TUBAL3: variants seen among roughly 807,000 people sequenced by gnomAD.
TUBAL3 encodes the protein tubulin alpha chain-like 3.
Under a neutral mutation model 15.5 loss-of-function variants are expected in TUBAL3, and 16 were observed. That is an observed-to-expected ratio of 1.04 (90% CI 0.70 to 1.57). TUBAL3 has a LOEUF of 1.57. TUBAL3 is among the 40% of genes most tolerant of loss of function. The pLI is 0.00. For synonymous variants in TUBAL3, 238 were observed against 224.3 expected (o/e 1.06, Z -0.55); for missense variants, 609 against 576.2 (o/e 1.06, Z -0.58).
chr10:5,398,545 T>G (rs1410733776), intron 2 of TUBAL3, among the ~76,000 whole-genome samples: 3 of 151,806 alleles, frequency 2.0e-5, no homozygotes, highest in Admixed American at 2.0e-4. Flanking sequence ...GAGCTATGAT[T>G]ACGCCACTGC....
Position 5,404,810 on chromosome 10 carries a change from C to A in TUBAL3, c.-18G>T. 6.2e-7 allele frequency: 1 copy of A among 1,613,282 alleles called. No individual in the cohort carries two copies. The highest frequency in any genetic ancestry group is 8.5e-7 in the Non-Finnish European group (1 of 1,179,494). On this transcript the variant is annotated 5_prime_UTR_variant, in exon 1 of 4. In the 5' UTR this introduces an upstream ATG that the reference lacks. Transcript: ENST00000380419. ...CTTACCATGCTGATGAGAACGTGCCCTTCCTGCCCTGTAGTAATGACTGAG... is the reference window on the plus strand; with the variant it reads ...CTTACCATGCTGATGAGAACGTGCCATTCCTGCCCTGTAGTAATGACTGAG...
chr10:5,395,354 G>T lies in TUBAL3; in HGVS notation c.369C>A (p.Asp123Glu). The change falls in exon 3 of 4, where the codon GAC becomes GAA. Residue 123 changes from aspartate to glutamate, a missense_variant. Physicochemically the swap from Asp to Glu is conservative, Grantham distance 45. Transcript: ENST00000380419. This position sits in a 1 kb window ranked among gnomAD's most constrained non-coding sequence, Gnocchi z 4.6. ...GCTTCCGGGTCCTCTCCAGCACAAG[G>T]TCGATGACCTCCGACCCCACAGAGT... ...GRYSVGSEVI[D>E]LVLERTRKLA... 6.3e-7 allele frequency: 1 copy of T among 1,587,296 alleles called. No homozygotes were observed. The highest frequency in any genetic ancestry group is 8.6e-7 in the Non-Finnish European group (1 of 1,163,062).
chr10:5,395,283 T>G lies in TUBAL3; in HGVS notation c.396+44A>C, dbSNP rs200949513. The G allele has an allele frequency of 5.1e-5, 72 of 1,421,132 alleles. No individual in the cohort carries two copies. Among genetic ancestry groups the G allele is most frequent in the Non-Finnish European group, 6.5e-5 (70 of 1,075,336 alleles). The allele number at this position is 1,421,132 out of a possible 1,614,324, so 88.0% of individuals were successfully genotyped here. ...GTGAGTTCTGCCGCAGGACCCCACA[T>G]GCCCCAGGCACAGCCCACTCGGAGG... On this transcript the variant is annotated intron_variant, in intron 3 of 3. Coordinates refer to ENST00000380419, the MANE Select transcript of TUBAL3 (RefSeq NM_024803.3). This position sits in a 1 kb window ranked among gnomAD's most constrained non-coding sequence, Gnocchi z 4.6.
At chr10:5,402,051 C>T (rs1554814686) in intron 1 of TUBAL3, among the ~76,000 whole-genome samples, 6 of 151,884 alleles carry the variant, frequency 4.0e-5, no homozygotes, top group Admixed American at 3.3e-4. Context: ...ACATAAGATG[C>T]ATGATTGCAT....
rs376898117 is a variant in TUBAL3, at chr10:5,404,809, C to T, written c.-17G>A. On this transcript the variant is annotated 5_prime_UTR_variant, in exon 1 of 4. Coordinates refer to ENST00000380419, the MANE Select transcript of TUBAL3 (RefSeq NM_024803.3). ...ACTTACCATGCTGATGAGAACGTGC[C>T]CTTCCTGCCCTGTAGTAATGACTGA... 1.9e-6 allele frequency: 3 copies of T among 1,613,266 alleles called. No homozygotes were observed. Among genetic ancestry groups the T allele is most frequent in the Non-Finnish European group, 2.5e-6 (3 of 1,179,582 alleles).
Position 5,397,764 on chromosome 10 carries a change from T to C in TUBAL3, c.248-2289A>G, listed in dbSNP as rs1180335900. On this transcript the variant is annotated intron_variant, in intron 2 of 3. Transcript: ENST00000380419. This position sits in a 1 kb window ranked among gnomAD's most constrained non-coding sequence, Gnocchi z 4.9. ...TGCATTCCACTTCAATCATCATCACTCAGAACTCTCCCACTTCCAAAATCT... is the reference window on the plus strand; with the variant it reads ...TGCATTCCACTTCAATCATCATCACCCAGAACTCTCCCACTTCCAAAATCT... Among the ~76,000 whole-genome samples the C allele has an allele frequency of 6.6e-6, 1 of 152,124 alleles. No individual in the cohort carries two copies. Among genetic ancestry groups the C allele is most frequent in the African/African-American group, 2.4e-5 (1 of 41,428 alleles).
Position 5,394,154 on chromosome 10 carries a change from T to C in TUBAL3, c.704A>G (p.Asn235Ser), listed in dbSNP as rs1831723383. 5 of 1,614,200 alleles carry C rather than the reference T, an allele frequency of 3.1e-6. No homozygotes were observed. The highest frequency in any genetic ancestry group is 1.7e-5 in the Admixed American group (1 of 60,034). The part of the protein sequence containing the change: ...GVECPSHASI[N>S]RLVVQVVSSI... The stretch of plus-strand genomic sequence containing the variant: ...AGATACCACCTGAACCACCAATCTA[T>C]TGATGCTGGCATGAGAGGGGCATTC... The change falls in exon 4 of 4, where the codon AAT becomes AGT. Residue 235 changes from asparagine (N) to serine (S), a missense_variant. Asn to Ser is a conservative substitution (Grantham distance 46, BLOSUM62 1). Coordinates refer to ENST00000380419, the MANE Select transcript of TUBAL3 (RefSeq NM_024803.3). This position sits in a 1 kb window ranked among gnomAD's most constrained non-coding sequence, Gnocchi z 4.3.
At position 5,394,925 on chromosome 10, in the gene TUBAL3, A is replaced by G. The variant is rs1457092555; in HGVS notation, c.396+402T>C. Among the ~76,000 whole-genome samples the G allele has an allele frequency of 6.6e-6, 1 of 152,224 alleles. No individual in the cohort carries two copies. The highest frequency in any genetic ancestry group is 1.5e-5 in the Non-Finnish European group (1 of 68,036). On this transcript the variant is annotated intron_variant, in intron 3 of 3. Transcript: ENST00000380419. The surrounding 1 kb of genome is among the most constrained non-coding windows in gnomAD (Gnocchi z 4.3). ...TCAGGCCCCTAAAGAGGAATTAATTATCAGTAAATAGAGTCACGCATCTCC... is the reference window on the plus strand; with the variant it reads ...TCAGGCCCCTAAAGAGGAATTAATTGTCAGTAAATAGAGTCACGCATCTCC...
chr10:5,398,639 C>T (rs1413282309), intron 2 of TUBAL3, among the ~76,000 whole-genome samples: 3 of 152,112 alleles, frequency 2.0e-5, no homozygotes, highest in African/African-American at 4.8e-5. Flanking sequence ...GATGACTCCC[C>T]GGTTATTCAT....
intron 2 of TUBAL3, among the ~76,000 whole-genome samples, chr10:5,399,674 G>A (rs1382072256): frequency 6.6e-6 from 1 of 152,208 alleles, no homozygotes; most frequent in Non-Finnish European, 1.5e-5. Flanking sequence ...TTATGGGGTT[G>A]TATTCAATTC....
chr10:5,398,763 T>A (rs1304014839), intron 2 of TUBAL3, among the ~76,000 whole-genome samples: 2 of 151,200 alleles, frequency 1.3e-5, no homozygotes, highest in African/African-American at 2.4e-5. Flanking sequence ...TTTTGCAATA[T>A]TTTTTTTTGG....
rs1340303487 is a variant in TUBAL3, at chr10:5,394,130, G to T, written c.728C>A (p.Ser243Tyr). The T allele has an allele frequency of 6.2e-7, 1 of 1,614,228 alleles. No individual in the cohort carries two copies. Among genetic ancestry groups the T allele is most frequent in the South Asian group, 1.1e-5 (1 of 91,084 alleles). Residue 243 changes from serine (S) to tyrosine (Y), a missense_variant, in exon 4 of 4, where the codon TCT becomes TAT. Ser to Tyr is a moderately radical substitution (Grantham distance 144). Transcript: ENST00000380419. The surrounding 1 kb of genome is among the most constrained non-coding windows in gnomAD (Gnocchi z 4.3). ...AAACCGGAGGGAGGCAGTGATGGAA[G>T]ATACCACCTGAACCACCAATCTATT... ...SINRLVVQVV[S>Y]SITASLRFEG... is the part of the protein sequence containing the mutation.
In TUBAL3 at chr10:5,396,344, C is replaced by T. The variant is rs1325302566; in HGVS notation, c.248-869G>A. On this transcript the variant is annotated intron_variant, in intron 2 of 3. Transcript: ENST00000380419. This position sits in a 1 kb window ranked among gnomAD's most constrained non-coding sequence, Gnocchi z 5.1. ...CCAACATGGTGAAACCCTGTCTCTA[C>T]TAAAAGTACAGAAAATTAGCCAGGC... Among the ~76,000 whole-genome samples the T allele has an allele frequency of 1.3e-5, 2 of 151,856 alleles. No homozygotes were observed. The highest frequency in any genetic ancestry group is 2.9e-5 in the Non-Finnish European group (2 of 67,968).
rs1321567434 is a variant in TUBAL3, at chr10:5,393,338, A to C, written c.*179T>G. On this transcript the variant is annotated 3_prime_UTR_variant, in exon 4 of 4. Transcript: ENST00000380419. ...CAGAGCTGACTTGTACCAGTAGACC[A>C]GGAAATAATGTGTTCATTGTTGGTA... 2 of 572,544 alleles carry C rather than the reference A, an allele frequency of 3.5e-6. No individual in the cohort carries two copies. The highest frequency in any genetic ancestry group is 6.0e-6 in the Non-Finnish European group (2 of 333,616). The allele number at this position is 572,544 out of a possible 1,614,324, so 35.5% of individuals were successfully genotyped here. A position where few individuals can be genotyped will look rare whatever the true frequency, so the allele number is the denominator to read the frequency against.
intron 1 of TUBAL3, among the ~76,000 whole-genome samples, chr10:5,403,909 T>G (rs1588416201): frequency 6.6e-6 from 1 of 152,344 alleles, no homozygotes; most frequent in Non-Finnish European, 1.5e-5. Context: ...ACTTTCAATT[T>G]TGAGGTCTTT....
chr10:5,394,062 G>A lies in TUBAL3; in HGVS notation c.796C>T (p.Leu266=). 6.2e-7 allele frequency: 1 copy of A among 1,614,206 alleles called. No homozygotes were observed. Among genetic ancestry groups the A allele is most frequent in the Non-Finnish European group, 8.5e-7 (1 of 1,180,040 alleles). ...AAATGTATTCTCGGATAAGGTACCA[G>A]GTTGGTCTGGAATTCAATTAGGTCT... is the stretch of plus-strand genomic sequence containing the variant. ...NVDLIEFQTN[L]VPYPRIHFPM... Residue 266 remains leucine (L), a synonymous_variant, in exon 4 of 4, where the codon CTG becomes TTG. Coordinates refer to ENST00000380419, the MANE Select transcript of TUBAL3 (RefSeq NM_024803.3). This position sits in a 1 kb window ranked among gnomAD's most constrained non-coding sequence, Gnocchi z 4.3.
At chr10:5,403,093 T>C (rs1358235105) in intron 1 of TUBAL3, among the ~76,000 whole-genome samples, 13 of 152,256 alleles carry the variant, frequency 8.5e-5, no homozygotes, top group Non-Finnish European at 1.9e-4. Flanking sequence ...TCAAGTTCAC[T>C]ACCTTAGTAG....
At position 5,394,504 on chromosome 10, in the gene TUBAL3, C is replaced by G. The variant is rs1831733437; in HGVS notation, c.397-43G>C. On this transcript the variant is annotated intron_variant, in intron 3 of 3. Transcript: ENST00000380419. This position sits in a 1 kb window ranked among gnomAD's most constrained non-coding sequence, Gnocchi z 4.3. ...GATGTGAGAATTCAGCTGAATAAAT[C>G]CAGAAGCAGTGAATTGGACAGTAGT... The G allele has an allele frequency of 6.5e-7, 1 of 1,532,024 alleles. No homozygotes were observed. The highest frequency in any genetic ancestry group is 8.8e-7 in the Non-Finnish European group (1 of 1,138,936). 94.9% of individuals were successfully genotyped at this position (1,532,024 alleles called of 1,614,324 possible). A position where few individuals can be genotyped will look rare whatever the true frequency, so the allele number is the denominator to read the frequency against.
intron 1 of TUBAL3, among the ~76,000 whole-genome samples, chr10:5,403,476 C>T (rs1006317439): frequency 2.0e-5 from 3 of 151,198 alleles, no homozygotes; most frequent in Non-Finnish European, 2.9e-5. Flanking sequence ...GTTACAGTGA[C>T]GAGTAAAATT....
Sources: gnomAD v4.1 joint callset for allele counts (sites outside exome capture counted in the v4.1 genomes callset) on GRCh38, gnomAD v4.1.1 for gene constraint, Gnocchi (gnomAD v3.1) non-coding constraint, MANE v1.5 for transcripts, NCBI Gene and HGNC (gene_info 2026-07-23, HGNC 2026-07-21) for gene names.